Variants in THSD7B observed in about 807,000 individuals in gnomAD.
THSD7B encodes thrombospondin type 1 domain containing 7B, also known as thrombospondin type-1 domain-containing protein 7B.
A neutral mutation model predicts 213.6 loss-of-function variants in THSD7B; 138 were observed. The observed-to-expected ratio is 0.65, with a 90% CI of 0.56 to 0.74. THSD7B has a LOEUF of 0.74. Among genes scored for constraint, THSD7B ranks in the 30% least tolerant of loss-of-function variants. THSD7B has a pLI of 0.00. For missense variants in THSD7B, 1,931 were observed against 1,991.5 expected, an observed-to-expected ratio of 0.97 and a Z score of 0.58; for synonymous variants, 742 against 687.0, an observed-to-expected ratio of 1.08 and a Z score of -1.25.
chr2:137,260,097 T>C (rs77969687), intron 10 of THSD7B, among the ~76,000 whole-genome samples: 2 of 152,212 alleles, frequency 1.3e-5, no homozygotes, highest in Non-Finnish European at 2.9e-5. Context: ...CATGGATTTA[T>C]AAAACACTTT....
Position 137,676,687 on chromosome 2 carries a change from A to C in THSD7B, c.*82A>C, listed in dbSNP as rs565116121. 4.7e-6 allele frequency: 6 copies of C among 1,267,342 alleles called. No homozygotes were observed. Among genetic ancestry groups the C allele is most frequent in the African/African-American group, 4.6e-5 (3 of 64,914 alleles). 78.5% of individuals were successfully genotyped at this position (1,267,342 alleles called of 1,614,324 possible). A position where few individuals can be genotyped will look rare whatever the true frequency, so the allele number is the denominator to read the frequency against. ...AGCTCTCAGACTTCTCAGTTTTTTGAGGAATCTCAAGATGTGATATATTGG... is the reference window on the plus strand; with the variant it reads ...AGCTCTCAGACTTCTCAGTTTTTTGCGGAATCTCAAGATGTGATATATTGG... On this transcript the variant is annotated 3_prime_UTR_variant, in exon 28 of 28. Coordinates refer to ENST00000409968, the MANE Select transcript of THSD7B (RefSeq NM_001316349.2).
chr2:137,254,497 C>A (rs1682258924), intron 10 of THSD7B, among the ~76,000 whole-genome samples: 1 of 152,146 alleles, frequency 6.6e-6, no homozygotes, highest in South Asian at 2.1e-4. Flanking sequence ...TAGTTTCGCA[C>A]TGAATTATAT....
chr2:137,523,252 T>C (rs72844513), intron 15 of THSD7B, among the ~76,000 whole-genome samples: 11,745 of 152,294 alleles, frequency 0.077, 676 homozygotes, highest in Non-Finnish European at 0.12. Context: ...CATATAGTCT[T>C]CAGATGTTTT....
chr2:137,182,690 T>A (rs1420007000), intron 7 of THSD7B, among the ~76,000 whole-genome samples: 4 of 152,174 alleles, frequency 2.6e-5, no homozygotes, highest in South Asian at 2.1e-4. Context: ...CCCTGAAAAT[T>A]ATACTGATGA....
At chr2:137,512,382 C>CTTTTTTTT (rs70978233) in intron 15 of THSD7B, among the ~76,000 whole-genome samples, 2 of 81,380 alleles carry the variant, frequency 2.5e-5, no homozygotes, top group African/African-American at 6.3e-5. Context: ...CATTTATTTC[C>CTTTTTTTT]TTTTTTTTTT....
chr2:137,304,398 G>A (rs995512939), intron 12 of THSD7B, among the ~76,000 whole-genome samples: 1 of 152,072 alleles, frequency 6.6e-6, no homozygotes, highest in African/African-American at 2.4e-5. Context: ...TTTGCCTCAT[G>A]CAACTTACTT....
intron 7 of THSD7B, among the ~76,000 whole-genome samples, chr2:137,184,022 C>T (rs541959988): frequency 1.1e-4 from 17 of 152,270 alleles, no homozygotes; most frequent in Non-Finnish European, 2.5e-4. Flanking sequence ...TTTCATTTTA[C>T]TCCTTATAAC....
intron 15 of THSD7B, among the ~76,000 whole-genome samples, chr2:137,554,085 G>A (rs932360051): frequency 6.6e-6 from 1 of 150,862 alleles, no homozygotes; most frequent in Non-Finnish European, 1.5e-5. Context: ...GACATAGTGA[G>A]ATTGCTGTTC....
intron 14 of THSD7B, among the ~76,000 whole-genome samples, chr2:137,416,174 C>T (rs1686794567): frequency 1.3e-5 from 2 of 152,110 alleles, no homozygotes; most frequent in Admixed American, 1.3e-4. Context: ...TGATGTTATG[C>T]TGTTCTGTCT....
intron 10 of THSD7B, among the ~76,000 whole-genome samples, chr2:137,265,809 C>T (rs1254584681): frequency 1.3e-5 from 2 of 152,176 alleles, no homozygotes; most frequent in South Asian, 2.1e-4. Context: ...CAAACCAAGA[C>T]ATTTATGAGA....
intron 7 of THSD7B, among the ~76,000 whole-genome samples, chr2:137,185,382 G>A (rs1421421319): frequency 1.3e-5 from 2 of 151,964 alleles, no homozygotes; most frequent in Non-Finnish European, 2.9e-5. Flanking sequence ...CCAATAGGTG[G>A]TTTTTCATCC....
chr2:137,599,840 A>T (rs1190487431), intron 17 of THSD7B, among the ~76,000 whole-genome samples: 1 of 152,178 alleles, frequency 6.6e-6, no homozygotes, highest in East Asian at 1.9e-4. Flanking sequence ...GGGAATCAAC[A>T]AAAAGCATAT....
At chr2:136,802,587 T>C (rs1434730978) in intron 1 of THSD7B, among the ~76,000 whole-genome samples, 1 of 146,598 alleles carries the variant, frequency 6.8e-6, no homozygotes, top group Non-Finnish European at 1.5e-5. Context: ...CAGGTATCCC[T>C]GCATGTGTAC....
intron 1 of THSD7B, among the ~76,000 whole-genome samples, chr2:136,820,874 AGG>A (rs375211696): frequency 2.7e-5 from 4 of 150,446 alleles, no homozygotes; most frequent in African/African-American, 4.9e-5. Flanking sequence ...TACTTGAGAG[AGG>A]GAGAGAGACA....
At position 137,034,756 on chromosome 2, in the gene THSD7B, A is replaced by C. The variant is rs377145566; in HGVS notation, c.140-21664A>C. On this transcript the variant is annotated intron_variant, in intron 2 of 27. Transcript: ENST00000409968. ...TTTCCAGCTTCAACCATGTCCCTGC[A>C]AAAGATATGAACTCATTCTTTTTTA... Among the ~76,000 whole-genome samples, 79 of 152,304 alleles carry C rather than the reference A, an allele frequency of 5.2e-4. 1 individual carries two copies. Among genetic ancestry groups the C allele is most frequent in the African/African-American group, 1.9e-3 (79 of 41,564 alleles).
At chr2:137,021,402 A>T (rs1278598874) in intron 2 of THSD7B, among the ~76,000 whole-genome samples, 7 of 152,200 alleles carry the variant, frequency 4.6e-5, no homozygotes, top group Non-Finnish European at 1.0e-4. Context: ...TCATGTAACC[A>T]TTACCTGAAC....
rs753800930 is a variant in THSD7B, at chr2:137,667,802, C to T, written c.4680C>T (p.Gly1560=). 8.7e-6 allele frequency: 14 copies of T among 1,606,220 alleles called. No homozygotes were observed. In the South Asian group the frequency reaches 1.0e-4, roughly 12 times the overall value. ...GCCGAGTAAAAATTTGGGTTTATGG[C>T]GTTTCAGGTGGCGCTTTTCTCATCA... The part of the protein sequence containing the change: ...PDGRVKIWVY[G]VSGGAFLIMI... Residue 1560 remains glycine (G), a synonymous_variant, in exon 27 of 28, where the codon GGC becomes GGT. Transcript: ENST00000409968.
chr2:137,571,779 G>T (rs1681359527), intron 16 of THSD7B, among the ~76,000 whole-genome samples: 1 of 151,886 alleles, frequency 6.6e-6, no homozygotes, highest in African/African-American at 2.4e-5. Flanking sequence ...TGTGCTATGT[G>T]ATTAATTGCT....
chr2:136,970,462 C>CA (rs35380324), intron 2 of THSD7B, among the ~76,000 whole-genome samples: 2 of 150,428 alleles, frequency 1.3e-5, no homozygotes, highest in Admixed American at 1.3e-4. Flanking sequence ...GAGTCTGTCT[C>CA]AAAAAAACAA....
Sources: allele counts gnomAD v4.1 joint callset (sites outside exome capture counted in the v4.1 genomes callset), GRCh38; gene constraint gnomAD v4.1.1; transcripts MANE v1.5; gene names NCBI Gene and HGNC (gene_info 2026-07-23, HGNC 2026-07-21).